The following PHF3 variants were observed in gnomAD, a reference collection of about 807,000 sequenced individuals.
PHF3 encodes PHD finger protein 3.
PHF3 carries 41 observed loss-of-function variants against 178.4 expected under a neutral mutation model. The ratio of observed to expected loss-of-function variants is 0.23; its 90% CI spans 0.18 to 0.30. The LOEUF (loss-of-function observed/expected upper bound fraction) is 0.30, where lower values mean the gene tolerates loss of function less well. Ranked by LOEUF, PHF3 falls within the 10% of genes least tolerant of loss-of-function variation. The pLI, the probability that PHF3 is intolerant of heterozygous loss-of-function variation, is 1.00. For missense variants in PHF3, 2,346 were observed against 2,398.1 expected, an observed-to-expected ratio of 0.98 and a Z score of 0.45; for synonymous variants, 842 against 800.5, an observed-to-expected ratio of 1.05 and a Z score of -0.88.
At chr6:63,705,177 C>T (rs970469097) in intron 11 of PHF3, among the ~76,000 whole-genome samples, 1 of 152,118 alleles carries the variant, frequency 6.6e-6, no homozygotes, top group Non-Finnish European at 1.5e-5. Flanking sequence ...TGTTACTTCT[C>T]GAGACTATTG....
At chr6:63,680,688 T>G (rs1026302318) in intron 3 of PHF3, among the ~76,000 whole-genome samples, 3 of 152,108 alleles carry the variant, frequency 2.0e-5, no homozygotes, top group African/African-American at 7.2e-5. Context: ...CTCAGTTGTT[T>G]AGTGTGTACA....
intron 2 of PHF3, among the ~76,000 whole-genome samples, chr6:63,678,242 C>A (rs1000458541): frequency 3.3e-5 from 5 of 149,994 alleles, no homozygotes; most frequent in Non-Finnish European, 7.4e-5. Context: ...GAAAAAAAAA[C>A]AAAAAACAAC....
rs547868907 is a variant in PHF3, at chr6:63,721,769, A to G, written c.*8061A>G. On this transcript the variant is annotated 3_prime_UTR_variant, in exon 16 of 16. Transcript: ENST00000262043. ...GGTTGTAGCGAAGTTGAACGGAACT[A>G]TTTACTAAAGAGATGCATAAAAAAT... The G allele has an allele frequency of 2.3e-5, 35 of 1,550,498 alleles. No homozygotes were observed. Among genetic ancestry groups the G allele is most frequent in the African/African-American group, 1.4e-4 (10 of 73,084 alleles).
intron 2 of PHF3, among the ~76,000 whole-genome samples, chr6:63,676,225 A>G (rs576204135): frequency 2.5e-4 from 38 of 152,276 alleles, no homozygotes; most frequent in African/African-American, 9.1e-4. Context: ...TGGAATACCT[A>G]CTATACACAA....
Position 63,721,638 on chromosome 6 carries a change from T to A in PHF3, c.*7930T>A. The A allele has an allele frequency of 1.3e-6, 2 of 1,551,392 alleles. No individual in the cohort carries two copies. Among genetic ancestry groups the A allele is most frequent in the Non-Finnish European group, 1.7e-6 (2 of 1,146,646 alleles). On this transcript the variant is annotated 3_prime_UTR_variant, in exon 16 of 16. Transcript: ENST00000262043. The stretch of plus-strand genomic sequence containing the variant: ...TTCTGTTACATTTATCCCATCTAGA[T>A]CCAGGTAGCCTTCTGCACCAACTCT...
Position 63,685,706 on chromosome 6 carries a change from A to G in PHF3, c.1984A>G (p.Lys662Glu). 1 of 1,614,152 alleles carries G rather than the reference A, an allele frequency of 6.2e-7. No homozygotes were observed. The highest frequency in any genetic ancestry group is 8.5e-7 in the Non-Finnish European group (1 of 1,180,024). Residue 662 changes from lysine to glutamate, a missense_variant, in exon 4 of 16, where the codon AAA becomes GAA. By Grantham distance (56) the Lys-to-Glu change is moderately conservative (BLOSUM62 1). Transcript: ENST00000262043. ...GCATTTTAAGGAAGAGGATAAACTG[A>G]AACTGAAAAAACCTGAGAAGAACCT... ...VEHFKEEDKL[K>E]LKKPEKNLQP...
Position 63,691,952 on chromosome 6 carries a change from G to A in PHF3, c.2405G>A (p.Cys802Tyr), listed in dbSNP as rs138867034. The stretch of plus-strand genomic sequence containing the variant: ...CATAGTGGAGATAAAACAATGGAGT[G>A]TGAAAAGCTTGGATTATCAAAACAC... ...EFHSGDKTME[C>Y]EKLGLSKHTT... Residue 802 changes from cysteine (C) to tyrosine (Y), a missense_variant, in exon 5 of 16, where the codon TGT becomes TAT. Around this residue, in one of 8 missense-constraint regions of PHF3, gnomAD observed 252 missense variants for 232.0 expected, o/e 1.09. Coordinates refer to ENST00000262043, the MANE Select transcript of PHF3 (RefSeq NM_001370348.2). 34 of 1,613,492 alleles carry A rather than the reference G, an allele frequency of 2.1e-5. 1 individual carries two copies. In the African/African-American group the frequency reaches 4.4e-4, roughly 21 times the overall value.
chr6:63,721,335 C>CTCT lies in PHF3; in HGVS notation c.*7627_*7628insTCT. The stretch of plus-strand genomic sequence containing the variant: ...TCCAGCCCAATCTGGCAAACATCTG[C>CTCT]AAGAAAAAGTTGTGCCATTTACTGT... On this transcript the variant is annotated 3_prime_UTR_variant, in exon 16 of 16. Coordinates refer to ENST00000262043, the MANE Select transcript of PHF3 (RefSeq NM_001370348.2). 6.4e-7 allele frequency: 1 copy of CTCT among 1,551,972 alleles called. No individual in the cohort carries two copies. Among genetic ancestry groups the CTCT allele is most frequent in the Non-Finnish European group, 8.7e-7 (1 of 1,147,002 alleles).
At chr6:63,708,608 T>G (rs1259608928) in intron 13 of PHF3, among the ~76,000 whole-genome samples, 1 of 152,226 alleles carries the variant, frequency 6.6e-6, no homozygotes, top group Non-Finnish European at 1.5e-5. Flanking sequence ...AATAAAGTTT[T>G]AAATATTCTT....
At chr6:63,655,242 A>C (rs925576963) in intron 2 of PHF3, among the ~76,000 whole-genome samples, 1 of 151,740 alleles carries the variant, frequency 6.6e-6, no homozygotes, top group African/African-American at 2.4e-5. Flanking sequence ...TGCCTGGCTA[A>C]TGTTTTGTAT....
At position 63,719,034 on chromosome 6, in the gene PHF3, C is replaced by A. The variant is rs907608154; in HGVS notation, c.*5326C>A. ...TTTTAAGTGGTTTCCGTTAAAAAAA[C>A]AAACCTTTGAATCAATGTGTAAACA... is the stretch of plus-strand genomic sequence containing the variant. On this transcript the variant is annotated 3_prime_UTR_variant, in exon 16 of 16. Transcript: ENST00000262043. Among the ~76,000 whole-genome samples the A allele has an allele frequency of 1.1e-4, 16 of 152,040 alleles. No homozygotes were observed. Among genetic ancestry groups the A allele is most frequent in the Admixed American group, 6.6e-4 (10 of 15,218 alleles).
Position 63,713,353 on chromosome 6 carries a change from G to T in PHF3, c.5765G>T (p.Arg1922Ile), listed in dbSNP as rs1193194466. 3 of 1,613,988 alleles carry T rather than the reference G, an allele frequency of 1.9e-6. No homozygotes were observed. The highest frequency in any genetic ancestry group is 4.5e-5 in the East Asian group (2 of 44,874). Residue 1922 changes from arginine to isoleucine, a missense_variant, in exon 16 of 16, where the codon AGA becomes ATA. Coordinates refer to ENST00000262043, the MANE Select transcript of PHF3 (RefSeq NM_001370348.2). ...AATAGGGGTAAAGGGGACCGCCAGA[G>T]ATTTTATAGTGATTCACACCATTTG... The part of the protein sequence containing the change: ...PFNRGKGDRQ[R>I]FYSDSHHLKR...
chr6:63,709,879 C>T (rs557535226), intron 14 of PHF3, among the ~76,000 whole-genome samples: 1 of 152,246 alleles, frequency 6.6e-6, no homozygotes, highest in Non-Finnish European at 1.5e-5. Flanking sequence ...GGCTCTATCA[C>T]AATAATATTT....
Position 63,713,081 on chromosome 6 carries a change from TCCA to T in PHF3, c.5498_5500del (p.Pro1833del), listed in dbSNP as rs1186309299. 1 of 1,614,054 alleles carries T rather than the reference TCCA, an allele frequency of 6.2e-7. No individual in the cohort carries two copies. Among genetic ancestry groups the T allele is most frequent in the Non-Finnish European group, 8.5e-7 (1 of 1,179,974 alleles). ...TTCCCCCACAAAGCATGTTTGGATT[TCCA>T]CCACATTTGCCACCTCCATTACTTC... On this transcript the variant is annotated inframe_deletion, in exon 16 of 16. Coordinates refer to ENST00000262043, the MANE Select transcript of PHF3 (RefSeq NM_001370348.2).
chr6:63,710,524 A>C (rs529559464), intron 14 of PHF3, among the ~76,000 whole-genome samples: 1 of 152,326 alleles, frequency 6.6e-6, no homozygotes, highest in African/African-American at 2.4e-5. Flanking sequence ...TTGTTGTTGA[A>C]CACTACCAAA....
At chr6:63,690,953 G>A (rs1766972238) in intron 4 of PHF3, among the ~76,000 whole-genome samples, 1 of 152,130 alleles carries the variant, frequency 6.6e-6, no homozygotes, top group African/African-American at 2.4e-5. Flanking sequence ...CTAAAAGACA[G>A]TGATGGGAAA....
chr6:63,708,089 A>G (rs770632431), intron 13 of PHF3, among the ~76,000 whole-genome samples: 1 of 152,060 alleles, frequency 6.6e-6, no homozygotes, highest in Non-Finnish European at 1.5e-5. Context: ...CCGGTTCTGA[A>G]CTACTGCCCT....
chr6:63,686,704 C>T (rs1766721504), intron 4 of PHF3, among the ~76,000 whole-genome samples: 2 of 152,174 alleles, frequency 1.3e-5, no homozygotes, highest in South Asian at 4.1e-4. Context: ...TTCAAGTGTT[C>T]ATATTGCTGT....
At position 63,721,533 on chromosome 6, in the gene PHF3, T is replaced by C; in HGVS notation, c.*7825T>C. On this transcript the variant is annotated 3_prime_UTR_variant, in exon 16 of 16. Transcript: ENST00000262043. Reference sequence around the variant, plus strand: ...AGGTTCATTTTCTATTGCCATGGGATTTACAAGATTTAAAGAAGATACTCC... The same window carrying C: ...AGGTTCATTTTCTATTGCCATGGGACTTACAAGATTTAAAGAAGATACTCC... The C allele has an allele frequency of 1.3e-6, 2 of 1,551,624 alleles. No homozygotes were observed. Among genetic ancestry groups the C allele is most frequent in the South Asian group, 2.4e-5 (2 of 84,060 alleles).
Sources: gnomAD v4.1 joint callset for allele counts (sites outside exome capture counted in the v4.1 genomes callset) on GRCh38, gnomAD v4.1.1 for gene constraint, gnomAD v4.1.1 regional missense constraint, MANE v1.5 for transcripts, NCBI Gene and HGNC (gene_info 2026-07-23, HGNC 2026-07-21) for gene names.